EVC: variants seen among roughly 807,000 people sequenced by gnomAD.
EVC encodes EvC ciliary complex subunit 1, also known as evC complex member EVC.
Under a neutral mutation model 118.9 loss-of-function variants are expected in EVC, and 116 were observed. The ratio of observed to expected loss-of-function variants is 0.98; its 90% CI spans 0.84 to 1.14. EVC has a LOEUF of 1.14. EVC is among the 50% of genes most tolerant of loss of function. The probability of loss-of-function intolerance (pLI) is 0.00; values close to 1 mark genes in which losing one functional copy is unlikely to be tolerated. For missense variants in EVC, 1,401 were observed against 1,246.4 expected (o/e 1.12, Z -1.87); for synonymous variants, 619 against 534.7 (o/e 1.16, Z -2.18).
intron 13 of EVC, among the ~76,000 whole-genome samples, chr4:5,796,156 C>A (rs1205747042): frequency 6.6e-6 from 1 of 152,022 alleles, no homozygotes; most frequent in Non-Finnish European, 1.5e-5. Flanking sequence ...CCATTTGATT[C>A]CTTGTATAGT....
At chr4:5,779,548 G>A (rs1374644551) in intron 11 of EVC, among the ~76,000 whole-genome samples, 2 of 137,972 alleles carry the variant, frequency 1.4e-5, no homozygotes, top group South Asian at 4.4e-4. Flanking sequence ...CCTTGAAGAG[G>A]TCCTTCACAT....
downstream of EVC, among the ~76,000 whole-genome samples, chr4:5,815,026 C>T (rs1399174871): frequency 1.3e-5 from 2 of 152,158 alleles, no homozygotes; most frequent in African/African-American, 4.8e-5. Flanking sequence ...CCCACTAAAC[C>T]CAACTCAACT....
chr4:5,720,795 G>A (rs907931556), intron 2 of EVC, among the ~76,000 whole-genome samples: 14 of 152,200 alleles, frequency 9.2e-5, no homozygotes, highest in South Asian at 2.1e-4. Context: ...TAACTTTACC[G>A]TTGGTAATTA....
In EVC at chr4:5,756,302, G is replaced by T; in HGVS notation, c.1503G>T (p.Gln501His). ...HEVLERQRLMQCDLEEEENVR... is the reference protein window; with the variant it reads ...HEVLERQRLMHCDLEEEENVR... ...TCCTGGAGAGGCAGAGGCTGATGCA[G>T]TGTGACCTGGAGGAAGAGGAGAATG... The change falls in exon 11 of 21, where the codon CAG (glutamine) becomes CAT (histidine). Residue 501 changes from glutamine (Q) to histidine (H), a missense_variant. By Grantham distance (24) the Gln-to-His change is conservative (BLOSUM62 0). Transcript: ENST00000264956. The surrounding 1 kb of genome is among the most constrained non-coding windows in gnomAD (Gnocchi z 4.2). 6.2e-7 allele frequency: 1 copy of T among 1,613,090 alleles called. No individual in the cohort carries two copies. The highest frequency in any genetic ancestry group is 8.5e-7 in the Non-Finnish European group (1 of 1,179,810).
At chr4:5,804,928 G>A (rs1422846036) in intron 17 of EVC, 87 bp downstream of exon 17, 21 of 1,197,154 alleles carry the variant, frequency 1.8e-5, no homozygotes, top group Non-Finnish European at 2.3e-5. Context: ...AGCAGGTGCC[G>A]TCGCGTGCAT....
chr4:5,760,080 A>T (rs564605952), intron 11 of EVC, among the ~76,000 whole-genome samples: 1,569 of 152,200 alleles, frequency 0.01, 40 homozygotes, highest in African/African-American at 0.035. Flanking sequence ...AAAGGAGGCA[A>T]TCAGATCTGC....
At chr4:5,821,947 A>C in the EVC span, 2 of 1,127,130 alleles carry the variant, frequency 1.8e-6, no homozygotes, top group African/African-American at 1.6e-5. The surrounding 1 kb of genome is among the most constrained non-coding windows in gnomAD (Gnocchi z 4.4). Flanking sequence ...ACTCCACTGG[A>C]CCCACCTTCA....
At chr4:5,739,675 C>A (rs940911372) in intron 5 of EVC, among the ~76,000 whole-genome samples, 2 of 152,150 alleles carry the variant, frequency 1.3e-5, no homozygotes, top group African/African-American at 4.8e-5. Context: ...AACCGCAGAA[C>A]TGAGTAGTTG....
intron 1 of EVC, among the ~76,000 whole-genome samples, chr4:5,717,640 A>G (rs1724201214): frequency 6.6e-6 from 1 of 152,214 alleles, no homozygotes; most frequent in South Asian, 2.1e-4. Flanking sequence ...TGCTGCATCT[A>G]CACAGGTTTC....
intron 13 of EVC, among the ~76,000 whole-genome samples, chr4:5,794,090 G>A (rs1051133343): frequency 6.6e-6 from 1 of 151,454 alleles, no homozygotes; most frequent in African/African-American, 2.4e-5. Context: ...AAGATTTCTT[G>A]TGCCCAATTG....
intron 2 of EVC, among the ~76,000 whole-genome samples, chr4:5,724,305 G>A (rs1318737149): frequency 6.6e-6 from 1 of 152,246 alleles, no homozygotes; most frequent in Admixed American, 6.5e-5. Context: ...AGGAGGTTAA[G>A]TTAATGGGAT....
intron 15 of EVC, among the ~76,000 whole-genome samples, chr4:5,800,542 G>A (rs535455697): frequency 6.6e-6 from 1 of 152,252 alleles, no homozygotes; most frequent in South Asian, 2.1e-4. Flanking sequence ...CCTGGTGAAG[G>A]GAGGAGAGGT....
chr4:5,716,629 T>A (rs1291698386), intron 1 of EVC, among the ~76,000 whole-genome samples: 2 of 152,340 alleles, frequency 1.3e-5, no homozygotes, highest in Non-Finnish European at 2.9e-5. Flanking sequence ...GTTAAGATGT[T>A]ATCTTTAGTT....
At chr4:5,766,443 G>A (rs1157955658) in intron 11 of EVC, among the ~76,000 whole-genome samples, 1 of 128,710 alleles carries the variant, frequency 7.8e-6, no homozygotes, top group Admixed American at 8.1e-5. Context: ...GAATCTGAAT[G>A]TTGGCCTGCC....
At chr4:5,791,322 C>G (rs767394383) in intron 12 of EVC, among the ~76,000 whole-genome samples, 1 of 152,012 alleles carries the variant, frequency 6.6e-6, no homozygotes, top group East Asian at 1.9e-4. Flanking sequence ...GTATCTAATT[C>G]TGAAGAAATA....
intron 6 of EVC, among the ~76,000 whole-genome samples, chr4:5,744,838 G>GT (rs1729111944): frequency 6.6e-6 from 1 of 152,094 alleles, no homozygotes; most frequent in Admixed American, 6.5e-5. Context: ...CTGGGGTGTT[G>GT]TTCTTTCCCA....
intron 11 of EVC, among the ~76,000 whole-genome samples, chr4:5,781,809 G>A (rs1735639139): frequency 1.3e-5 from 2 of 152,226 alleles, no homozygotes; most frequent in African/African-American, 2.4e-5. Context: ...CAGCCTGGGC[G>A]ACAGAGGGAG....
the EVC span, among the ~76,000 whole-genome samples, chr4:5,822,998 T>G: frequency 2.0e-5 from 3 of 152,204 alleles, no homozygotes; most frequent in African/African-American, 7.2e-5. Context: ...TCATACTTTT[T>G]CTAATACATC....
At chr4:5,810,475 G>A (rs750620951) in intron 20 of EVC, 25 bp downstream of exon 20, 3 of 1,572,000 alleles carry the variant, frequency 1.9e-6, no homozygotes, top group African/African-American at 2.7e-5. Flanking sequence ...CGGACCTGTT[G>A]CCTGTGGCTG....
Sources: allele counts gnomAD v4.1 joint callset (sites outside exome capture counted in the v4.1 genomes callset), GRCh38; gene constraint gnomAD v4.1.1; non-coding constraint Gnocchi (gnomAD v3.1); transcripts MANE v1.5; gene names NCBI Gene and HGNC (gene_info 2026-07-23, HGNC 2026-07-21).